The following PTPRD variants were observed in gnomAD, a reference collection of about 807,000 sequenced individuals.
The protein encoded by PTPRD is protein tyrosine phosphatase receptor type D, also known as receptor-type tyrosine-protein phosphatase delta.
In PTPRD, 34 loss-of-function variants were observed where a neutral mutation model predicts 214.5. That is an observed-to-expected ratio of 0.16 (90% CI 0.12 to 0.21). PTPRD has a LOEUF of 0.21. Ranked by LOEUF, PTPRD falls within the 10% of genes least tolerant of loss-of-function variation. PTPRD has a pLI of 1.00. For missense variants in PTPRD, 2,545 were observed against 2,398.7 expected, an observed-to-expected ratio of 1.06 and a Z score of -1.27; for synonymous variants, 1,128 against 845.7, an observed-to-expected ratio of 1.33 and a Z score of -5.79.
chr9:9,994,161 A>C (rs1200222170), intron 4 of PTPRD, among the ~76,000 whole-genome samples: 1 of 152,176 alleles, frequency 6.6e-6, no homozygotes, highest in Non-Finnish European at 1.5e-5. Context: ...GTCTTTGTCC[A>C]TAACCACGGA....
At chr9:8,694,814 A>G (rs978503051) in intron 12 of PTPRD, among the ~76,000 whole-genome samples, 3 of 152,170 alleles carry the variant, frequency 2.0e-5, no homozygotes, top group Non-Finnish European at 4.4e-5. Context: ...AAATCTTAAA[A>G]TATGTACCTT....
intron 11 of PTPRD, among the ~76,000 whole-genome samples, chr9:8,742,901 G>C (rs1056448564): frequency 6.6e-6 from 1 of 152,140 alleles, no homozygotes; most frequent in African/African-American, 2.4e-5. Flanking sequence ...AATGCCTAGA[G>C]ACAATTTTTG....
chr9:9,812,844 G>T (rs550257668), intron 5 of PTPRD, among the ~76,000 whole-genome samples: 4 of 152,050 alleles, frequency 2.6e-5, no homozygotes, highest in Admixed American at 6.5e-5. Flanking sequence ...CTTCTCAAGT[G>T]TACGCAGAAT....
intron 3 of PTPRD, among the ~76,000 whole-genome samples, chr9:10,216,569 G>A (rs945807585): frequency 1.3e-5 from 2 of 151,724 alleles, no homozygotes; most frequent in Non-Finnish European, 2.9e-5. Flanking sequence ...TATGATTTTT[G>A]TTTGGGTCAA....
At chr9:8,537,273 G>GA (rs1465809249) in intron 14 of PTPRD, among the ~76,000 whole-genome samples, 2 of 151,634 alleles carry the variant, frequency 1.3e-5, no homozygotes, top group African/African-American at 2.4e-5. Context: ...GAATAAAATT[G>GA]AAAAAATCAT....
intron 3 of PTPRD, among the ~76,000 whole-genome samples, chr9:10,064,698 C>A (rs1219278155): frequency 1.3e-5 from 2 of 151,920 alleles, no homozygotes; most frequent in African/African-American, 4.8e-5. Flanking sequence ...ATGACCAAAG[C>A]CATATGTCAC....
intron 35 of PTPRD, among the ~76,000 whole-genome samples, chr9:8,409,350 A>G (rs1013566458): frequency 4.6e-5 from 7 of 152,210 alleles, no homozygotes; most frequent in Non-Finnish European, 7.3e-5. Context: ...CCCAGCCACC[A>G]TAAGATGCTT....
chr9:10,009,541 G>C (rs949487039), intron 4 of PTPRD, among the ~76,000 whole-genome samples: 1 of 151,908 alleles, frequency 6.6e-6, no homozygotes, highest in Non-Finnish European at 1.5e-5. Flanking sequence ...TTAAGATAAG[G>C]AGTTGTGGAG....
At chr9:9,973,518 G>C (rs1352876542) in intron 4 of PTPRD, among the ~76,000 whole-genome samples, 2 of 151,830 alleles carry the variant, frequency 1.3e-5, no homozygotes, top group Non-Finnish European at 1.5e-5. Context: ...AGTAGAGATT[G>C]ACTTGGTCTA....
chr9:8,978,254 T>C (rs769194791), intron 11 of PTPRD, among the ~76,000 whole-genome samples: 2 of 152,132 alleles, frequency 1.3e-5, no homozygotes, highest in Non-Finnish European at 2.9e-5. Flanking sequence ...AGGCCTCAGC[T>C]GATGCATGGA....
chr9:9,741,359 A>T (rs1402931373), intron 6 of PTPRD, among the ~76,000 whole-genome samples: 1 of 151,604 alleles, frequency 6.6e-6, no homozygotes, highest in Admixed American at 6.6e-5. Context: ...CAAAAATAGA[A>T]TTTTTTTTAC....
At chr9:9,434,712 T>G (rs747497825) in intron 8 of PTPRD, among the ~76,000 whole-genome samples, 4 of 151,896 alleles carry the variant, frequency 2.6e-5, no homozygotes, top group African/African-American at 9.7e-5. Context: ...CAGAAATATA[T>G]GTATATACAA....
intron 2 of PTPRD, among the ~76,000 whole-genome samples, chr9:10,466,623 CAAAAAAAAAAAA>C (rs66705572): frequency 1.3e-5 from 1 of 76,874 alleles, no homozygotes; most frequent in Non-Finnish European, 2.3e-5. Flanking sequence ...AACTCCAACT[CAAAAAAAAAAAA>C]AAAAAAAAAA....
intron 14 of PTPRD, among the ~76,000 whole-genome samples, chr9:8,571,089 C>T (rs751697669): frequency 6.6e-6 from 1 of 152,056 alleles, no homozygotes; most frequent in Non-Finnish European, 1.5e-5. Flanking sequence ...TCACGAGCTT[C>T]CACGGCATAT....
At chr9:8,627,969 T>A (rs2096102238) in intron 14 of PTPRD, among the ~76,000 whole-genome samples, 1 of 151,920 alleles carries the variant, frequency 6.6e-6, no homozygotes, top group Admixed American at 6.6e-5. Context: ...ATCAATGTAT[T>A]CCAAGTACTC....
rs569106934 is a variant in PTPRD, at chr9:9,378,117, C to G, written c.-203+19332G>C. On this transcript the variant is annotated intron_variant, in intron 9 of 45. Transcript: ENST00000381196. The stretch of plus-strand genomic sequence containing the variant: ...ACCACAGTTCACATTAGGGTTCGCT[C>G]TTGGTGTTATACACTTTATGGATGT... Among the ~76,000 whole-genome samples the G allele has an allele frequency of 4.6e-5, 7 of 152,144 alleles. No individual in the cohort carries two copies. The East Asian group carries it at 1.4e-3, about 30-fold the overall frequency.
At chr9:10,398,914 T>C (rs2098223047) in intron 2 of PTPRD, among the ~76,000 whole-genome samples, 1 of 151,980 alleles carries the variant, frequency 6.6e-6, no homozygotes, top group Non-Finnish European at 1.5e-5. Flanking sequence ...ATCATGGATC[T>C]GAGGCTTTAG....
intron 8 of PTPRD, among the ~76,000 whole-genome samples, chr9:9,420,714 A>G (rs1332206): frequency 0.81 from 122,646 of 151,352 alleles, 49,813 homozygotes; most frequent in Non-Finnish European, 0.82. Context: ...ATGACGACGT[A>G]CAACATAACC....
At chr9:8,585,814 C>A (rs2093610425) in intron 14 of PTPRD, among the ~76,000 whole-genome samples, 1 of 152,264 alleles carries the variant, frequency 6.6e-6, no homozygotes, top group African/African-American at 2.4e-5. Context: ...TTTCATTACA[C>A]CTTTTAAAAG....
Sources: gnomAD v4.1 joint callset for allele counts (sites outside exome capture counted in the v4.1 genomes callset) on GRCh38, gnomAD v4.1.1 for gene constraint, MANE v1.5 for transcripts, NCBI Gene and HGNC (gene_info 2026-07-23, HGNC 2026-07-21) for gene names.